Variants in PRKCH observed in about 807,000 individuals in gnomAD.
PRKCH encodes protein kinase C eta type.
In PRKCH, 28 loss-of-function variants were observed where a neutral mutation model predicts 82.5. That is an observed-to-expected ratio of 0.34 (90% CI 0.25 to 0.47). The LOEUF (loss-of-function observed/expected upper bound fraction) is 0.47, where lower values mean the gene tolerates loss of function less well. PRKCH is among the 20% of genes least tolerant of loss of function. The pLI is 1.00. For synonymous variants in PRKCH, 322 were observed against 327.4 expected, an observed-to-expected ratio of 0.98 and a Z score of 0.18; for missense variants, 705 against 881.8, an observed-to-expected ratio of 0.80 and a Z score of 2.54.
In PRKCH at chr14:61,453,361, T is replaced by C; in HGVS notation, c.960+8T>C. ...AATATTTCTCCAACCTCGGTGAGAC[T>C]TTGCTTTTTTTCCATGTCTCGTAAT... On this transcript the variant is annotated splice_region_variant and intron_variant, in intron 7 of 13. Coordinates refer to ENST00000332981, the MANE Select transcript of PRKCH (RefSeq NM_006255.5). The C allele has an allele frequency of 6.2e-7, 1 of 1,609,984 alleles. No homozygotes were observed. Among genetic ancestry groups the C allele is most frequent in the East Asian group, 2.2e-5 (1 of 44,772 alleles).
chr14:61,258,803 C>T (rs184772606), intron 1 of PRKCH, among the ~76,000 whole-genome samples: 2 of 152,254 alleles, frequency 1.3e-5, no homozygotes, highest in Non-Finnish European at 2.9e-5. Context: ...TGCCCATTTT[C>T]TCCATGCCAC....
At chr14:61,422,959 C>T (rs1334962456) in intron 2 of PRKCH, among the ~76,000 whole-genome samples, 1 of 152,182 alleles carries the variant, frequency 6.6e-6, no homozygotes, top group Non-Finnish European at 1.5e-5. Flanking sequence ...TCCTGTCATT[C>T]AAATATCCAT....
At chr14:61,462,904 G>GT (rs1280819451) in intron 9 of PRKCH, among the ~76,000 whole-genome samples, 2 of 152,228 alleles carry the variant, frequency 1.3e-5, no homozygotes, top group Non-Finnish European at 2.9e-5. Context: ...CCCTTAGATT[G>GT]TAAGTGGCAG....
intron 2 of PRKCH, among the ~76,000 whole-genome samples, chr14:61,439,784 T>C (rs1412483335): frequency 6.6e-6 from 1 of 152,160 alleles, no homozygotes; most frequent in African/African-American, 2.4e-5. Context: ...AAGGGCCGTT[T>C]AGGAAGGTGA....
chr14:61,548,347 C>T (rs548878566), intron 13 of PRKCH, among the ~76,000 whole-genome samples: 1 of 152,200 alleles, frequency 6.6e-6, no homozygotes, highest in East Asian at 1.9e-4. Context: ...GAGCCTGGGT[C>T]TGTAATAGCT....
chr14:61,293,657 T>C (rs1321500974), intron 1 of PRKCH, among the ~76,000 whole-genome samples: 3 of 152,172 alleles, frequency 2.0e-5, no homozygotes, highest in Admixed American at 2.0e-4. Flanking sequence ...TAAATCTGCT[T>C]TTAGAGTTTT....
chr14:61,229,687 C>T lies in PRKCH; in HGVS notation c.-19+42019C>T, dbSNP rs554890819. ...GGAAACTTTTCCAGAGTGAGAGGCTCTTATTTTGAGGCACTGATGTGGAAC... is the reference window on the plus strand; with the variant it reads ...GGAAACTTTTCCAGAGTGAGAGGCTTTTATTTTGAGGCACTGATGTGGAAC... On this transcript the variant is annotated intron_variant, in intron 1 of 3. Coordinates refer to the PRKCH transcript ENST00000555185. Among the ~76,000 whole-genome samples the T allele has an allele frequency of 6.6e-5, 10 of 152,252 alleles. 1 individual carries two copies. The South Asian group carries it at 1.9e-3, about 28-fold the overall frequency.
intron 1 of PRKCH, among the ~76,000 whole-genome samples, chr14:61,251,930 A>G (rs947314984): frequency 2.0e-5 from 3 of 151,772 alleles, no homozygotes; most frequent in African/African-American, 7.3e-5. Context: ...ACCTCCACCT[A>G]CTGACTTCAA....
intron 1 of PRKCH, among the ~76,000 whole-genome samples, chr14:61,197,309 G>T (rs761412849): frequency 6.6e-6 from 1 of 152,162 alleles, no homozygotes; most frequent in Admixed American, 6.5e-5. Flanking sequence ...AGATGTGTTT[G>T]TCACCTCTCC....
At chr14:61,484,201 C>G (rs945917373) in intron 9 of PRKCH, among the ~76,000 whole-genome samples, 1 of 151,812 alleles carries the variant, frequency 6.6e-6, no homozygotes, top group Non-Finnish European at 1.5e-5. Context: ...TCAGAGACGT[C>G]GCCTGACCCC....
At chr14:61,507,508 A>G (rs1887200748) in intron 10 of PRKCH, among the ~76,000 whole-genome samples, 1 of 152,214 alleles carries the variant, frequency 6.6e-6, no homozygotes, top group African/African-American at 2.4e-5. Context: ...GTTATTCACG[A>G]TAGTCAAAAT....
chr14:61,538,255 G>A (rs1250452067), intron 12 of PRKCH, among the ~76,000 whole-genome samples: 1 of 152,210 alleles, frequency 6.6e-6, no homozygotes, highest in Admixed American at 6.5e-5. Flanking sequence ...CTGGCAGACT[G>A]TTGCCAGGAC....
At chr14:61,312,757 C>A (rs1271133638) in intron 1 of PRKCH, among the ~76,000 whole-genome samples, 1 of 151,990 alleles carries the variant, frequency 6.6e-6, no homozygotes, top group Non-Finnish European at 1.5e-5. Context: ...ATGGGAAAAC[C>A]TTCCCCCATG....
chr14:61,406,864 G>A (rs1408206994), intron 2 of PRKCH, among the ~76,000 whole-genome samples: 1 of 152,050 alleles, frequency 6.6e-6, no homozygotes, highest in Non-Finnish European at 1.5e-5. Flanking sequence ...GACAGGCATG[G>A]CTCCACCAGT....
At chr14:61,240,212 G>A (rs1161076907) in intron 1 of PRKCH, among the ~76,000 whole-genome samples, 1 of 152,158 alleles carries the variant, frequency 6.6e-6, no homozygotes, top group African/African-American at 2.4e-5. Context: ...AGGCAAGAAA[G>A]AAGAAAGAAG....
chr14:61,348,219 C>A (rs899315133), intron 1 of PRKCH, among the ~76,000 whole-genome samples: 1 of 152,124 alleles, frequency 6.6e-6, no homozygotes, highest in Non-Finnish European at 1.5e-5. Context: ...AGCCAGAGAG[C>A]AGGGGGCCAG....
intron 10 of PRKCH, among the ~76,000 whole-genome samples, chr14:61,502,905 T>C (rs1886982137): frequency 6.6e-6 from 1 of 151,654 alleles, no homozygotes; most frequent in Non-Finnish European, 1.5e-5. Context: ...CACTGAGTCA[T>C]GGAATTCACC....
At chr14:61,524,732 G>C (rs1239616166) in intron 10 of PRKCH, among the ~76,000 whole-genome samples, 1 of 152,156 alleles carries the variant, frequency 6.6e-6, no homozygotes, top group Non-Finnish European at 1.5e-5. Context: ...TCCATGTTCT[G>C]CTCTTCCGTT....
intron 1 of PRKCH, among the ~76,000 whole-genome samples, chr14:61,192,778 G>A (rs1258165726): frequency 1.3e-5 from 2 of 152,206 alleles, no homozygotes; most frequent in African/African-American, 4.8e-5. Flanking sequence ...CAATGGGTTT[G>A]GGGCCACACT....
Sources: gnomAD v4.1 joint callset for allele counts (sites outside exome capture counted in the v4.1 genomes callset) on GRCh38, gnomAD v4.1.1 for gene constraint, MANE v1.5 for transcripts, NCBI Gene and HGNC (gene_info 2026-07-23, HGNC 2026-07-21) for gene names.